The following PRH1 variants were observed in gnomAD, a reference collection of about 807,000 sequenced individuals.
PRH1 encodes proline rich protein HaeIII subfamily 1.
In PRH1, 7 loss-of-function variants were observed where a neutral mutation model predicts 7.9. The observed-to-expected ratio is 0.89, with a 90% CI of 0.50 to 1.67. The LOEUF is 1.67. Among genes scored for constraint, PRH1 ranks in the 40% most tolerant of loss-of-function variants. The pLI is 0.00. For missense variants in PRH1, 109 were observed against 223.6 expected (o/e 0.49, Z 3.27); for synonymous variants, 45 against 80.8 (o/e 0.56, Z 2.38).
chr12:10,952,496 T>C (rs1937735133), intron 2 of PRH1, among the ~76,000 whole-genome samples: 1 of 151,978 alleles, frequency 6.6e-6, no homozygotes, highest in Non-Finnish European at 1.5e-5. Flanking sequence ...AAATACAAAG[T>C]TGGAGGATTA....
At chr12:11,147,151 A>G (rs1946886989) in intron 1 of PRH1, among the ~76,000 whole-genome samples, 1 of 152,136 alleles carries the variant, frequency 6.6e-6, no homozygotes, top group African/African-American at 2.4e-5. Flanking sequence ...AAGAAATTAT[A>G]TTTTATAATA....
At chr12:10,957,600 G>A (rs1031414305) in intron 2 of PRH1, among the ~76,000 whole-genome samples, 1 of 151,914 alleles carries the variant, frequency 6.6e-6, no homozygotes, top group African/African-American at 2.4e-5. Flanking sequence ...TTCTGCACAA[G>A]AAAAGAAACT....
intron 2 of PRH1, among the ~76,000 whole-genome samples, chr12:10,892,740 C>A (rs1330687230): frequency 6.6e-6 from 1 of 152,150 alleles, no homozygotes; most frequent in African/African-American, 2.4e-5. Context: ...ACCCTATAAA[C>A]AAGAACACAG....
At chr12:11,002,656 C>G (rs1002109498) in intron 1 of PRH1, among the ~76,000 whole-genome samples, 3 of 152,050 alleles carry the variant, frequency 2.0e-5, no homozygotes, top group Admixed American at 2.0e-4. Flanking sequence ...ATCTCAGCTA[C>G]TGTCACTAAA....
chr12:10,986,395 C>A (rs1194918080), intron 1 of PRH1: 1 of 1,613,894 alleles, frequency 6.2e-7, no homozygotes, highest in East Asian at 2.2e-5. Flanking sequence ...TCATATTCTT[C>A]TGCCCACATA....
intron 1 of PRH1, among the ~76,000 whole-genome samples, chr12:11,170,184 C>T (rs2167481): frequency 0.46 from 69,261 of 152,032 alleles, 16,573 homozygotes; most frequent in Non-Finnish European, 0.53. Context: ...GAAATGTGCA[C>T]CATTTAAATA....
At chr12:10,928,439 G>T (rs2135861182) in intron 2 of PRH1, among the ~76,000 whole-genome samples, 1 of 152,332 alleles carries the variant, frequency 6.6e-6, no homozygotes, top group African/African-American at 2.4e-5. Flanking sequence ...TTAGCTACAT[G>T]ACATCGTGTG....
chr12:10,887,241 G>C (rs545189295), upstream of PRH1, among the ~76,000 whole-genome samples: 8 of 152,272 alleles, frequency 5.3e-5, no homozygotes, highest in South Asian at 1.2e-3. Flanking sequence ...CATTGACAGA[G>C]GGAATAAACT....
chr12:11,027,222 G>A (rs1216432026), intron 1 of PRH1, among the ~76,000 whole-genome samples: 1 of 150,640 alleles, frequency 6.6e-6, no homozygotes, highest in East Asian at 1.9e-4. Flanking sequence ...CTGTGATCCT[G>A]CCACTGAACT....
At chr12:10,908,497 T>G in intron 2 of PRH1, 1 of 1,613,886 alleles carries the variant, frequency 6.2e-7, no homozygotes, top group African/African-American at 1.3e-5. Flanking sequence ...ACTCCAATCG[T>G]CTCACAAAGC....
At chr12:11,164,159 G>A (rs1947502427) in intron 1 of PRH1, among the ~76,000 whole-genome samples, 1 of 152,190 alleles carries the variant, frequency 6.6e-6, no homozygotes, top group Admixed American at 6.5e-5. Flanking sequence ...CTCTGTAAAG[G>A]TGTTTCTAGA....
chr12:10,903,489 A>G (rs1949752644), intron 2 of PRH1, among the ~76,000 whole-genome samples: 1 of 150,648 alleles, frequency 6.6e-6, no homozygotes. Flanking sequence ...GGACTCTTGA[A>G]AAAACGCTCA....
intron 1 of PRH1, among the ~76,000 whole-genome samples, chr12:11,122,020 T>C (rs1177872809): frequency 6.6e-6 from 1 of 152,266 alleles, no homozygotes; most frequent in Non-Finnish European, 1.5e-5. Context: ...CATACATATA[T>C]ATGTGAAATG....
chr12:10,955,104 G>A (rs984871215), intron 2 of PRH1, among the ~76,000 whole-genome samples: 1 of 151,922 alleles, frequency 6.6e-6, no homozygotes, highest in Non-Finnish European at 1.5e-5. Context: ...CCACAAAACA[G>A]TTCACCCCAA....
At chr12:10,986,531 A>C (rs755297647) in intron 1 of PRH1, 23 of 1,614,016 alleles carry the variant, frequency 1.4e-5, no homozygotes, top group Admixed American at 3.3e-5. Context: ...AGAAATTGGC[A>C]ATCTTGAGCA....
chr12:11,006,397 C>A (rs1007157425), intron 1 of PRH1: 1 of 135,368 alleles, frequency 7.4e-6, no homozygotes, highest in Non-Finnish European at 1.5e-5. Context: ...TTTTCTGAGA[C>A]AGGCTCTTGC....
intron 2 of PRH1, among the ~76,000 whole-genome samples, chr12:10,897,755 AACTC>A (rs1478967327): frequency 6.6e-6 from 1 of 152,172 alleles, no homozygotes; most frequent in Non-Finnish European, 1.5e-5. Context: ...ATCTTGTGAT[AACTC>A]ACTCACTCAC....
chr12:10,899,703 C>A (rs140025021), intron 2 of PRH1, among the ~76,000 whole-genome samples: 1 of 152,146 alleles, frequency 6.6e-6, no homozygotes, highest in Non-Finnish European at 1.5e-5. Context: ...GTACAGCCTG[C>A]GGAACCATGA....
chr12:11,057,077 G>A (rs1943393349), intron 1 of PRH1, among the ~76,000 whole-genome samples: 1 of 151,462 alleles, frequency 6.6e-6, no homozygotes, highest in East Asian at 1.9e-4. Flanking sequence ...CAGGATCATA[G>A]CCCACTACAG....
Sources: gnomAD v4.1 joint callset for allele counts (sites outside exome capture counted in the v4.1 genomes callset) on GRCh38, gnomAD v4.1.1 for gene constraint, MANE v1.5 for transcripts, NCBI Gene and HGNC (gene_info 2026-07-23, HGNC 2026-07-21) for gene names.